Variants in RERE observed in about 807,000 individuals in gnomAD.
The protein encoded by RERE is arginine-glutamic acid dipeptide repeats.
RERE carries 40 observed loss-of-function variants against 146.1 expected under a neutral mutation model. The ratio of observed to expected loss-of-function variants is 0.27; its 90% confidence interval spans 0.21 to 0.36. RERE has a LOEUF of 0.36. RERE is among the 10% of genes least tolerant of loss of function. The pLI, the probability that RERE is intolerant of heterozygous loss-of-function variation, is 1.00. For missense variants in RERE, 1,933 were observed against 2,138.7 expected (o/e 0.90, Z 1.90); for synonymous variants, 1,003 against 866.0 (o/e 1.16, Z -2.78).
intron 7 of RERE, among the ~76,000 whole-genome samples, chr1:8,529,922 T>TA (rs1316966379): frequency 1.3e-5 from 2 of 152,190 alleles, no homozygotes; most frequent in African/African-American, 4.8e-5. Flanking sequence ...CCTGGTACCC[T>TA]ACTCAGTGCT....
chr1:8,626,520 C>T (rs528654384), intron 2 of RERE, among the ~76,000 whole-genome samples: 93 of 152,324 alleles, frequency 6.1e-4, no homozygotes, highest in African/African-American at 2.0e-3. Context: ...AGCCTAATGG[C>T]TAATGACATC....
At chr1:8,417,665 GTAGCACAGCCCTCACTTC>G (rs1266074346) in intron 12 of RERE, among the ~76,000 whole-genome samples, 8 of 152,084 alleles carry the variant, frequency 5.3e-5, no homozygotes, top group African/African-American at 1.9e-4. Context: ...ACATACTTCG[GTAGCACAGCCCTCACTTC>G]TCTTCTTAAA....
chr1:8,608,873 G>A (rs1394488919), intron 4 of RERE, among the ~76,000 whole-genome samples: 6 of 152,056 alleles, frequency 3.9e-5, no homozygotes, highest in Non-Finnish European at 7.4e-5. Flanking sequence ...ATCACTTGAG[G>A]TCAGTTTGAG....
chr1:8,607,534 C>CTTTTTTCTTTTTTTTTTTT (rs1646733411), intron 4 of RERE, among the ~76,000 whole-genome samples: 3 of 48,584 alleles, frequency 6.2e-5, no homozygotes, highest in African/African-American at 2.6e-4. Context: ...ATATATATTT[C>CTTTTTTCTTTTTTTTTTTT]TTTTTTTTTT....
At chr1:8,713,230 G>T (rs1040309417) in intron 1 of RERE, among the ~76,000 whole-genome samples, 3 of 152,028 alleles carry the variant, frequency 2.0e-5, no homozygotes, top group Non-Finnish European at 4.4e-5. Context: ...ATTAGCAGTG[G>T]GTTAAGAATT....
intron 12 of RERE, among the ~76,000 whole-genome samples, chr1:8,378,729 T>A (rs1176091396): frequency 6.6e-6 from 1 of 152,138 alleles, no homozygotes; most frequent in Non-Finnish European, 1.5e-5. Flanking sequence ...AGCAACCCAG[T>A]CTACGGTATT....
At chr1:8,514,584 C>T (rs1645387375) in intron 7 of RERE, among the ~76,000 whole-genome samples, 1 of 152,064 alleles carries the variant, frequency 6.6e-6, no homozygotes, top group African/African-American at 2.4e-5. Flanking sequence ...ACAAAATTAG[C>T]CATACCGGGT....
At chr1:8,446,462 G>A (rs1221115445) in intron 11 of RERE, among the ~76,000 whole-genome samples, 1 of 152,042 alleles carries the variant, frequency 6.6e-6, no homozygotes, top group African/African-American at 2.4e-5. Context: ...TATGTGTCTT[G>A]GGGTTGCTCT....
intron 1 of RERE, among the ~76,000 whole-genome samples, chr1:8,794,902 T>C (rs1641437863): frequency 6.6e-6 from 1 of 152,064 alleles, no homozygotes; most frequent in Non-Finnish European, 1.5e-5. Context: ...AGCCTCAACT[T>C]CCCAGGCTCA....
chr1:8,381,156 C>T (rs115706297), intron 12 of RERE: 3 of 375,632 alleles, frequency 8.0e-6, no homozygotes, highest in African/African-American at 6.3e-5. Context: ...TCCATGATTA[C>T]CAACTCTCTC....
chr1:8,779,288 G>T (rs1641123341), intron 1 of RERE, among the ~76,000 whole-genome samples: 1 of 151,470 alleles, frequency 6.6e-6, no homozygotes, highest in Admixed American at 6.6e-5. Context: ...AGCAGTTTGG[G>T]AGGCCGAGGT....
chr1:8,356,193 G>C lies in RERE; in HGVS notation c.4393C>G (p.Leu1465Val). The change falls in exon 21 of 23, where the codon CTG becomes GTG. Residue 1465 changes from leucine to valine, a missense_variant. Leu to Val is a conservative substitution (Grantham distance 32). Coordinates refer to ENST00000400908, the MANE Select transcript of RERE (RefSeq NM_001042681.2). The surrounding 1 kb of genome is among the most constrained non-coding windows in gnomAD (Gnocchi z 5.2). Reference sequence around the variant, plus strand: ...CCAGGCGGGTAGGGGAAGCGAGCCAGGTGGGGACCGGCAGTCAGGGGGTCG... The same window carrying C: ...CCAGGCGGGTAGGGGAAGCGAGCCACGTGGGGACCGGCAGTCAGGGGGTCG... ...LVDPLTAGPH[L>V]ARFPYPPGTL... The C allele has an allele frequency of 1.3e-6, 2 of 1,522,696 alleles. No individual in the cohort carries two copies. The highest frequency in any genetic ancestry group is 1.7e-6 in the Non-Finnish European group (2 of 1,146,144). The allele number at this position is 1,522,696 out of a possible 1,614,324, so 94.3% of individuals were successfully genotyped here.
chr1:8,651,034 T>G (rs549294873), intron 2 of RERE, among the ~76,000 whole-genome samples: 2 of 149,520 alleles, frequency 1.3e-5, no homozygotes, highest in African/African-American at 5.0e-5. Context: ...GAGGCAGAGG[T>G]TGCAGTGAGT....
intron 12 of RERE, among the ~76,000 whole-genome samples, chr1:8,394,039 G>C (rs1269614560): frequency 1.3e-5 from 2 of 152,106 alleles, no homozygotes; most frequent in Non-Finnish European, 2.9e-5. Context: ...AAAAATCCCT[G>C]ATTTCTCCAC....
chr1:8,446,006 T>C (rs1052300025), intron 11 of RERE, among the ~76,000 whole-genome samples: 2 of 152,184 alleles, frequency 1.3e-5, no homozygotes, highest in Non-Finnish European at 2.9e-5. Context: ...CTGGCGCCTG[T>C]TGTTCCTTTC....
At chr1:8,773,153 TAAAAGA>T (rs1006594736) in intron 1 of RERE, among the ~76,000 whole-genome samples, 3 of 152,134 alleles carry the variant, frequency 2.0e-5, no homozygotes, top group African/African-American at 4.8e-5. Flanking sequence ...CAACTAAACT[TAAAAGA>T]AAAAGAATTT....
intron 4 of RERE, among the ~76,000 whole-genome samples, chr1:8,611,935 C>A (rs770097745): frequency 3.3e-5 from 5 of 152,194 alleles, no homozygotes; most frequent in Non-Finnish European, 7.3e-5. Context: ...CTCCCCACCA[C>A]TGAACACAGT....
Position 8,673,396 on chromosome 1 carries a change from A to G in RERE, c.-144-16955T>C, listed in dbSNP as rs562068058. 6.6e-5 allele frequency among the ~76,000 whole-genome samples: 10 copies of G among 152,320 alleles called. No individual in the cohort carries two copies. In the South Asian group the frequency reaches 1.9e-3, roughly 28 times the overall value. On this transcript the variant is annotated intron_variant, in intron 1 of 22. Transcript: ENST00000400908. ...CAGGCGTGAGCCACTGTGCCCAGCC[A>G]GGAGCTTAATTTATTACAACAAGCT...
At position 8,643,577 on chromosome 1, in the gene RERE, T is replaced by A. The variant is rs186296162; in HGVS notation, c.325+12396A>T. On this transcript the variant is annotated intron_variant, in intron 2 of 22. Coordinates refer to ENST00000400908, the MANE Select transcript of RERE (RefSeq NM_001042681.2). ...GGCTATTTTGTTAAAAATCAATACT[T>A]AAGAAATAAGAAACCCAGGCAGTTA... Among the ~76,000 whole-genome samples the A allele has an allele frequency of 1.1e-3, 168 of 152,264 alleles. 1 individual carries two copies. The highest frequency in any genetic ancestry group is 2.9e-3 in the East Asian group (15 of 5,190).
Sources: gnomAD v4.1 joint callset for allele counts (sites outside exome capture counted in the v4.1 genomes callset) on GRCh38, gnomAD v4.1.1 for gene constraint, Gnocchi (gnomAD v3.1) non-coding constraint, MANE v1.5 for transcripts, NCBI Gene and HGNC (gene_info 2026-07-23, HGNC 2026-07-21) for gene names.